Variants in KAT2B observed in about 807,000 individuals in gnomAD.
KAT2B encodes the protein lysine acetyltransferase 2B.
In KAT2B, 36 loss-of-function variants were observed where a neutral mutation model predicts 105.9. The observed-to-expected ratio is 0.34, with a 90% confidence interval of 0.26 to 0.45. The LOEUF (loss-of-function observed/expected upper bound fraction) is 0.45, where lower values mean the gene tolerates loss of function less well. Ranked by LOEUF, KAT2B falls within the 20% of genes least tolerant of loss-of-function variation. The pLI, the probability that KAT2B is intolerant of heterozygous loss-of-function variation, is 1.00. For missense variants in KAT2B, 820 were observed against 1,021.6 expected (o/e 0.80, Z 2.69); for synonymous variants, 397 against 377.9 (o/e 1.05, Z -0.59).
chr3:20,071,411 C>T (rs1203348746), intron 1 of KAT2B, among the ~76,000 whole-genome samples: 3 of 152,160 alleles, frequency 2.0e-5, no homozygotes, highest in Non-Finnish European at 2.9e-5. Context: ...TGACAGAGTG[C>T]TAAGAATAGT....
At chr3:20,063,074 G>T (rs1178537414) in intron 1 of KAT2B, among the ~76,000 whole-genome samples, 1 of 151,738 alleles carries the variant, frequency 6.6e-6, no homozygotes, top group Non-Finnish European at 1.5e-5. Flanking sequence ...CTGTGTTTTT[G>T]TTATTTATTT....
Position 20,127,525 on chromosome 3 carries a change from T to C in KAT2B, c.1725T>C (p.Ala575=). 6.2e-7 allele frequency: 1 copy of C among 1,613,790 alleles called. No individual in the cohort carries two copies. The highest frequency in any genetic ancestry group is 8.5e-7 in the Non-Finnish European group (1 of 1,179,650). ...GATTCACAGAGATTGTCTTCTGTGC[T>C]GTAACCTCAAATGAGCAAGTCAAGG... ...SQGFTEIVFC[A]VTSNEQVKGY... is the part of the protein sequence containing the mutation. The change falls in exon 11 of 18, where the codon GCT becomes GCC. Residue 575 remains alanine, a synonymous_variant. Transcript: ENST00000263754.
intron 1 of KAT2B, among the ~76,000 whole-genome samples, chr3:20,062,083 AT>A (rs1222504755): frequency 1.0e-5 from 1 of 99,536 alleles, no homozygotes; most frequent in South Asian, 3.0e-4. Flanking sequence ...CATATAATAT[AT>A]ATTATATATA....
chr3:20,127,570 T>A, intron 11 of KAT2B, 21 bp downstream of exon 11: 1 of 1,610,432 alleles, frequency 6.2e-7, no homozygotes, highest in Non-Finnish European at 8.5e-7. Flanking sequence ...ACCCAAGGTC[T>A]TAGAAGAAGA....
chr3:20,078,614 AG>A (rs1236068280), intron 2 of KAT2B, among the ~76,000 whole-genome samples: 1 of 151,904 alleles, frequency 6.6e-6, no homozygotes, highest in Non-Finnish European at 1.5e-5. Context: ...CCTGAGGTCA[AG>A]CGATCTGCCC....
rs113213072 is a variant in KAT2B, at chr3:20,072,680, A to G, written c.430+221A>G. Among the ~76,000 whole-genome samples the G allele has an allele frequency of 2.4e-3, 363 of 152,290 alleles. 1 individual carries two copies. The highest frequency in any genetic ancestry group is 7.4e-3 in the African/African-American group (307 of 41,556). ...GACTTTGTCCCTTCTTCCTTTCAAGAGCTGAGTTGGACTGGGGGATTGCCA... is the reference window on the plus strand; with the variant it reads ...GACTTTGTCCCTTCTTCCTTTCAAGGGCTGAGTTGGACTGGGGGATTGCCA... On this transcript the variant is annotated intron_variant, in intron 2 of 17. Coordinates refer to ENST00000263754, the MANE Select transcript of KAT2B (RefSeq NM_003884.5).
intron 1 of KAT2B, among the ~76,000 whole-genome samples, chr3:20,061,587 C>G (rs908841592): frequency 1.3e-5 from 2 of 151,876 alleles, no homozygotes; most frequent in African/African-American, 4.8e-5. Flanking sequence ...CATTTTACGT[C>G]TTCAGCAGGA....
intron 13 of KAT2B, among the ~76,000 whole-genome samples, chr3:20,143,194 A>G (rs536679971): frequency 1.3e-5 from 2 of 152,270 alleles, no homozygotes; most frequent in Non-Finnish European, 2.9e-5. Context: ...GAAGATGAGG[A>G]CATACTTTCA....
At chr3:20,128,353 C>T (rs1251018788) in intron 11 of KAT2B, among the ~76,000 whole-genome samples, 1 of 152,066 alleles carries the variant, frequency 6.6e-6, no homozygotes, top group Non-Finnish European at 1.5e-5. Flanking sequence ...TGACCTTGTC[C>T]CTAAGGGAAA....
At chr3:20,151,201 C>A (rs538691872) in intron 17 of KAT2B, among the ~76,000 whole-genome samples, 1 of 152,190 alleles carries the variant, frequency 6.6e-6, no homozygotes, top group Non-Finnish European at 1.5e-5. Flanking sequence ...GACATACACT[C>A]TAACCAAGAT....
chr3:20,059,913 G>C (rs1698070787), intron 1 of KAT2B, among the ~76,000 whole-genome samples: 1 of 152,110 alleles, frequency 6.6e-6, no homozygotes, highest in African/African-American at 2.4e-5. Context: ...CCCCACCCCA[G>C]ATGACCACTA....
intron 3 of KAT2B, among the ~76,000 whole-genome samples, chr3:20,097,621 C>T (rs987014046): frequency 2.6e-5 from 4 of 152,150 alleles, no homozygotes; most frequent in Admixed American, 2.0e-4. Flanking sequence ...ACTGCAACCT[C>T]CACCACCTGA....
chr3:20,086,775 G>T (rs1698623888), intron 2 of KAT2B, among the ~76,000 whole-genome samples: 1 of 146,274 alleles, frequency 6.8e-6, no homozygotes, highest in Non-Finnish European at 1.5e-5. Flanking sequence ...GGACATTTGT[G>T]TTATTTAAAA....
At chr3:20,142,051 C>T (rs1699703688) in intron 13 of KAT2B, among the ~76,000 whole-genome samples, 1 of 152,176 alleles carries the variant, frequency 6.6e-6, no homozygotes, top group Non-Finnish European at 1.5e-5. Flanking sequence ...GCTCTTTCCT[C>T]ATTCCTCCTC....
In KAT2B at chr3:20,154,370, A is replaced by C. The variant is rs558265729; in HGVS notation, c.*1845A>C. On this transcript the variant is annotated 3_prime_UTR_variant, in exon 18 of 18. Coordinates refer to ENST00000263754, the MANE Select transcript of KAT2B (RefSeq NM_003884.5). ...AAAATTAATATATTGTACTGGTACAAAATAGTTTTAAATTATATTTTAAAA... is the reference window on the plus strand; with the variant it reads ...AAAATTAATATATTGTACTGGTACACAATAGTTTTAAATTATATTTTAAAA... 18 of 152,766 alleles carry C rather than the reference A, an allele frequency of 1.2e-4. No individual in the cohort carries two copies. In the East Asian group the frequency reaches 3.5e-3, roughly 29 times the overall value. The allele number at this position is 152,766 out of a possible 1,614,324, so 9.5% of individuals were successfully genotyped here. A position where few individuals can be genotyped will look rare whatever the true frequency, so the allele number is the denominator to read the frequency against.
intron 2 of KAT2B, among the ~76,000 whole-genome samples, chr3:20,076,587 A>C (rs887602614): frequency 6.6e-6 from 1 of 152,186 alleles, no homozygotes; most frequent in African/African-American, 2.4e-5. Context: ...GGCAGAAGGG[A>C]TAGTTGAATG....
At chr3:20,084,279 G>T (rs532152001) in intron 2 of KAT2B, among the ~76,000 whole-genome samples, 72 of 151,998 alleles carry the variant, frequency 4.7e-4, no homozygotes, top group Non-Finnish European at 9.1e-4. Flanking sequence ...ACTTTCATTT[G>T]ATCTTCCTCC....
At chr3:20,087,158 G>A (rs1216565089) in intron 2 of KAT2B, among the ~76,000 whole-genome samples, 2 of 152,188 alleles carry the variant, frequency 1.3e-5, no homozygotes, top group African/African-American at 4.8e-5. Flanking sequence ...TAAGATGACT[G>A]TGGTTAACAA....
chr3:20,063,564 T>TTTTA (rs1698175229), intron 1 of KAT2B, among the ~76,000 whole-genome samples: 1 of 102,436 alleles, frequency 9.8e-6, no homozygotes, highest in Non-Finnish European at 1.9e-5. Context: ...TTTTTTTTTT[T>TTTTA]GAGATGGTTG....
Sources: gnomAD v4.1 joint callset for allele counts (sites outside exome capture counted in the v4.1 genomes callset) on GRCh38, gnomAD v4.1.1 for gene constraint, MANE v1.5 for transcripts, NCBI Gene and HGNC (gene_info 2026-07-23, HGNC 2026-07-21) for gene names.